The following ANKRD45 variants were observed in gnomAD, a reference collection of about 807,000 sequenced individuals.
The protein encoded by ANKRD45 is ankyrin repeat domain-containing protein 45.
ANKRD45 carries 21 observed loss-of-function variants against 28.1 expected under a neutral mutation model. The observed-to-expected ratio is 0.75, with a 90% CI of 0.53 to 1.08. The LOEUF (loss-of-function observed/expected upper bound fraction) is 1.08, where lower values mean the gene tolerates loss of function less well. Among genes scored for constraint, ANKRD45 ranks in the 50% least tolerant of loss-of-function variants. The probability of loss-of-function intolerance (pLI) is 0.00; values close to 1 mark genes in which losing one functional copy is unlikely to be tolerated. For synonymous variants in ANKRD45, 86 were observed against 103.9 expected (o/e 0.83, Z 1.05); for missense variants, 261 against 308.7 (o/e 0.85, Z 1.16).
At chr1:173,610,820 TTAAGA>T (rs1667112438) in intron 5 of ANKRD45, among the ~76,000 whole-genome samples, 1 of 152,068 alleles carries the variant, frequency 6.6e-6, no homozygotes, top group Non-Finnish European at 1.5e-5. Flanking sequence ...GAAAAACAAA[TTAAGA>T]TATCACAAAA....
chr1:173,637,225 A>C (rs1216509851), intron 3 of ANKRD45: 1 of 520,400 alleles, frequency 1.9e-6, no homozygotes, highest in Non-Finnish European at 3.4e-6. Flanking sequence ...CGGACTTACT[A>C]AAGTACTAGA....
At chr1:173,632,671 A>G (rs1369886884) in intron 3 of ANKRD45, among the ~76,000 whole-genome samples, 2 of 152,116 alleles carry the variant, frequency 1.3e-5, no homozygotes, top group African/African-American at 4.8e-5. Context: ...TATCATCATG[A>G]CCAAGTGACA....
At chr1:173,672,516 T>A (rs1425669361), upstream of ANKRD45, among the ~76,000 whole-genome samples, 2 of 152,236 alleles carry the variant, frequency 1.3e-5, no homozygotes, top group African/African-American at 2.4e-5. Context: ...ATAGAACTGT[T>A]TCTTGAATGT....
chr1:173,666,635 A>T (rs1436469232), intron 1 of ANKRD45, among the ~76,000 whole-genome samples: 1 of 152,196 alleles, frequency 6.6e-6, no homozygotes, highest in Non-Finnish European at 1.5e-5. Flanking sequence ...TACAAACACA[A>T]CCATCCATGT....
the ANKRD45 span, among the ~76,000 whole-genome samples, chr1:173,680,295 T>A: frequency 7.1e-4 from 108 of 152,260 alleles, 1 homozygote; most frequent in African/African-American, 2.4e-3. Context: ...AACTCCAACG[T>A]CCATCACTGA....
At chr1:173,667,680 T>C in intron 1 of ANKRD45, 1 of 419,912 alleles carries the variant, frequency 2.4e-6, no homozygotes, top group Non-Finnish European at 4.7e-6. Flanking sequence ...CACTCCAGCC[T>C]GGCACAACAG....
chr1:173,642,015 A>T (rs1318295940), intron 3 of ANKRD45, among the ~76,000 whole-genome samples: 1 of 152,230 alleles, frequency 6.6e-6, no homozygotes, highest in Non-Finnish European at 1.5e-5. Flanking sequence ...ATATTAGCAG[A>T]AAAAGGAGGT....
Position 173,617,264 on chromosome 1 carries a change from C to T in ANKRD45, c.731-7049G>A, listed in dbSNP as rs1667502803. Among the ~76,000 whole-genome samples the T allele has an allele frequency of 2.0e-5, 3 of 152,164 alleles. No individual in the cohort carries two copies. In the South Asian group the frequency reaches 6.2e-4, roughly 32 times the overall value. ...ATAGGGCTGAATCCAGAGAGCCAAGCAGTGTCATTTTGTGGGCCCCACTTC... is the reference window on the plus strand; with the variant it reads ...ATAGGGCTGAATCCAGAGAGCCAAGTAGTGTCATTTTGTGGGCCCCACTTC... On this transcript the variant is annotated intron_variant, in intron 5 of 5. Transcript: ENST00000333279.
intron 2 of ANKRD45, among the ~76,000 whole-genome samples, chr1:173,648,683 A>G (rs993459958): frequency 1.3e-5 from 2 of 152,192 alleles, no homozygotes; most frequent in Non-Finnish European, 2.9e-5. Context: ...ATCAAGTCCT[A>G]AAAGACTATA....
intron 3 of ANKRD45, among the ~76,000 whole-genome samples, chr1:173,630,751 C>T (rs1411506491): frequency 1.5e-5 from 2 of 131,786 alleles, no homozygotes; most frequent in Non-Finnish European, 3.1e-5. Flanking sequence ...AGCCAGGAGG[C>T]AGAGGTTGCA....
At chr1:173,664,826 CT>C (rs1669939305) in intron 1 of ANKRD45, among the ~76,000 whole-genome samples, 1 of 152,146 alleles carries the variant, frequency 6.6e-6, no homozygotes, top group South Asian at 2.1e-4. Flanking sequence ...TTCAATAACT[CT>C]TAAAGTCAAG....
intron 5 of ANKRD45, among the ~76,000 whole-genome samples, chr1:173,615,908 C>A (rs929791092): frequency 6.6e-6 from 1 of 152,086 alleles, no homozygotes; most frequent in Admixed American, 6.5e-5. Flanking sequence ...TCAAGACCAT[C>A]CTGGCTAACA....
chr1:173,666,761 A>T (rs727925), intron 1 of ANKRD45, among the ~76,000 whole-genome samples: 27,268 of 150,316 alleles, frequency 0.18, 8,123 homozygotes, highest in African/African-American at 0.62. Flanking sequence ...TTTAAAAAAA[A>T]TTTTTTTTTT....
intron 3 of ANKRD45, among the ~76,000 whole-genome samples, chr1:173,633,769 G>C (rs578117369): frequency 2.0e-5 from 3 of 152,096 alleles, no homozygotes; most frequent in African/African-American, 7.2e-5. Context: ...ATGGTGCTGG[G>C]AAAACTGGAT....
chr1:173,623,950 G>C (rs1667813827), intron 5 of ANKRD45, among the ~76,000 whole-genome samples: 1 of 124,178 alleles, frequency 8.1e-6, no homozygotes, highest in Admixed American at 9.0e-5. Flanking sequence ...CATACACTGT[G>C]GGGGTGGGGG....
At chr1:173,667,144 G>A (rs555952894) in intron 1 of ANKRD45, among the ~76,000 whole-genome samples, 2 of 152,246 alleles carry the variant, frequency 1.3e-5, no homozygotes, top group South Asian at 4.1e-4. Flanking sequence ...ATGAAAGTGG[G>A]CTTTTAAAAA....
chr1:173,660,811 T>C (rs1669741807), intron 1 of ANKRD45, among the ~76,000 whole-genome samples: 1 of 152,164 alleles, frequency 6.6e-6, no homozygotes, highest in African/African-American at 2.4e-5. Flanking sequence ...CCAGTTAACC[T>C]TGAGGTGACT....
At chr1:173,630,692 T>C (rs1340836473) in intron 3 of ANKRD45, among the ~76,000 whole-genome samples, 1 of 146,988 alleles carries the variant, frequency 6.8e-6, no homozygotes, top group Non-Finnish European at 1.5e-5. Flanking sequence ...TCGTGGTGCA[T>C]GCCTATAATC....
At chr1:173,671,878 T>C (rs1670274548), upstream of ANKRD45, among the ~76,000 whole-genome samples, 1 of 145,198 alleles carries the variant, frequency 6.9e-6, no homozygotes, top group Admixed American at 6.9e-5. Context: ...CAAGACTCCG[T>C]CTCAAAAAAA....
Sources: allele counts gnomAD v4.1 joint callset (sites outside exome capture counted in the v4.1 genomes callset), GRCh38; gene constraint gnomAD v4.1.1; transcripts MANE v1.5; gene names NCBI Gene and HGNC (gene_info 2026-07-23, HGNC 2026-07-21).